The following DHRS7B variants were observed in gnomAD, a reference collection of about 807,000 sequenced individuals.
The protein encoded by DHRS7B is peroxisomal reductase activating PPAR-gamma.
DHRS7B carries 24 observed loss-of-function variants against 26.4 expected under a neutral mutation model. That is an observed-to-expected ratio of 0.91 (90% CI 0.66 to 1.28). The LOEUF (loss-of-function observed/expected upper bound fraction) is 1.28. Ranked by LOEUF, DHRS7B falls within the 50% of genes most tolerant of loss-of-function variation. DHRS7B has a pLI of 0.00. For synonymous variants in DHRS7B, 142 were observed against 166.4 expected (o/e 0.85, Z 1.13); for missense variants, 368 against 419.4 (o/e 0.88, Z 1.07).
chr17:21,137,275 T>A (rs1378039777), intron 1 of DHRS7B, among the ~76,000 whole-genome samples: 1 of 149,800 alleles, frequency 6.7e-6, no homozygotes, highest in African/African-American at 2.5e-5. Context: ...CCACTGGGCC[T>A]GCCCATTTTT....
Position 21,176,685 on chromosome 17 carries a change from G to T in DHRS7B, c.200-1548G>T, listed in dbSNP as rs1974386408. On this transcript the variant is annotated intron_variant, in intron 2 of 6. Transcript: ENST00000395511. ...CTGTTTATCAAACACTGTGGTAAGA[G>T]ATTACCTACCTTAACTCATTCAATC... Among the ~76,000 whole-genome samples, 5 of 151,904 alleles carry T rather than the reference G, an allele frequency of 3.3e-5. No individual in the cohort carries two copies. In the South Asian group the frequency reaches 1.0e-3, roughly 32 times the overall value.
At chr17:21,163,064 C>T (rs1053577466) in intron 1 of DHRS7B, among the ~76,000 whole-genome samples, 5 of 151,760 alleles carry the variant, frequency 3.3e-5, no homozygotes, top group African/African-American at 4.8e-5. Context: ...GTTGTGGTGG[C>T]GGGCACTTGT....
intron 1 of DHRS7B, among the ~76,000 whole-genome samples, chr17:21,169,154 C>T (rs1385251644): frequency 1.3e-5 from 2 of 152,178 alleles, no homozygotes; most frequent in Middle Eastern, 3.2e-3. Context: ...AGCCTGACTT[C>T]TGCCAATGTT....
intron 1 of DHRS7B, among the ~76,000 whole-genome samples, chr17:21,164,039 T>G (rs1974057411): frequency 7.0e-6 from 1 of 142,244 alleles, no homozygotes; most frequent in Non-Finnish European, 1.5e-5. Context: ...GCTTTTTTTT[T>G]TTTTTTTGAG....
In DHRS7B at chr17:21,178,273, G is replaced by A. The variant is rs765598028; in HGVS notation, c.240G>A (p.Val80=). The change falls in exon 3 of 7, where the codon GTG becomes GTA. Residue 80 remains valine (V), a synonymous_variant. Transcript: ENST00000395511. ...KVFYAAGAKL[V]LCGRNGGALE... is the part of the protein sequence containing the mutation. Reference sequence around the variant, plus strand: ...TCTATGCTGCGGGTGCTAAACTGGTGCTCTGTGGCCGGAATGGTGGGGCCC... The same window carrying A: ...TCTATGCTGCGGGTGCTAAACTGGTACTCTGTGGCCGGAATGGTGGGGCCC... 3.1e-6 allele frequency: 5 copies of A among 1,614,130 alleles called. No homozygotes were observed. Among genetic ancestry groups the A allele is most frequent in the Non-Finnish European group, 4.2e-6 (5 of 1,180,052 alleles).
chr17:21,138,103 C>CACACACAT (rs1555536224), intron 1 of DHRS7B, among the ~76,000 whole-genome samples: 2 of 128,722 alleles, frequency 1.6e-5, no homozygotes, highest in African/African-American at 5.9e-5. Flanking sequence ...TATATATATA[C>CACACACAT]ACACACACAC....
rs56350315 is a variant in DHRS7B at position 21,132,336 on chromosome 17, T to TAAA, written c.20+5356_20+5358dup. Among the ~76,000 whole-genome samples the TAAA allele has an allele frequency of 7.2e-3, 968 of 133,798 alleles. 9 individuals carry two copies. Among genetic ancestry groups the TAAA allele is most frequent in the African/African-American group, 0.023 (789 of 34,304 alleles). The allele number at this position is 133,798 out of a possible 152,430, so 87.8% of individuals were successfully genotyped here. A position where few individuals can be genotyped will look rare whatever the true frequency, so the allele number is the denominator to read the frequency against. ...GGCAACATAGGGAGACCCCATCTCTTAAAAAAAAAAAAATATATATATATA... is the reference window on the plus strand; with the variant it reads ...GGCAACATAGGGAGACCCCATCTCTTAAAAAAAAAAAAAAAATATATATATATA... On this transcript the variant is annotated intron_variant, in intron 1 of 6. Coordinates refer to ENST00000395511, the MANE Select transcript of DHRS7B (RefSeq NM_015510.5).
At chr17:21,168,787 C>T (rs1157816540) in intron 1 of DHRS7B, 16 of 985,362 alleles carry the variant, frequency 1.6e-5, no homozygotes, top group Admixed American at 6.1e-5. Flanking sequence ...CCCATTCACC[C>T]GGCGCCATGT....
At chr17:21,187,652 G>A (rs1300555232) in intron 5 of DHRS7B, among the ~76,000 whole-genome samples, 2 of 144,518 alleles carry the variant, frequency 1.4e-5, no homozygotes, top group African/African-American at 5.1e-5. Flanking sequence ...AAAAAAAAAG[G>A]AAAAAAAAGA....
intron 1 of DHRS7B, among the ~76,000 whole-genome samples, chr17:21,157,178 A>G (rs2144035027): frequency 6.6e-6 from 1 of 152,332 alleles, no homozygotes; most frequent in Admixed American, 6.5e-5. Context: ...CTCTCCCAGG[A>G]GGTAGAAGCA....
chr17:21,175,009 G>A (rs1033094080), intron 2 of DHRS7B, among the ~76,000 whole-genome samples: 2 of 152,282 alleles, frequency 1.3e-5, no homozygotes, highest in East Asian at 3.9e-4. Flanking sequence ...CCCTTTGTTG[G>A]GATGAGCCAA....
chr17:21,140,359 C>T (rs1167060558), intron 1 of DHRS7B, among the ~76,000 whole-genome samples: 4 of 151,894 alleles, frequency 2.6e-5, no homozygotes, highest in African/African-American at 4.8e-5. Flanking sequence ...CTGTCAGCTA[C>T]GTAGCCTTAA....
At chr17:21,136,345 T>C (rs773414512) in intron 1 of DHRS7B, among the ~76,000 whole-genome samples, 6 of 150,778 alleles carry the variant, frequency 4.0e-5, no homozygotes, top group Non-Finnish European at 7.4e-5. Flanking sequence ...TGTCCTGTTT[T>C]AGATCCAGGA....
At chr17:21,164,448 T>C (rs1486995765) in intron 1 of DHRS7B, among the ~76,000 whole-genome samples, 1 of 152,228 alleles carries the variant, frequency 6.6e-6, no homozygotes. Flanking sequence ...TCTGACCTCA[T>C]ATTTATGTTG....
intron 1 of DHRS7B, among the ~76,000 whole-genome samples, chr17:21,132,345 A>AT (rs1416811137): frequency 2.5e-4 from 34 of 134,760 alleles, no homozygotes; most frequent in African/African-American, 4.5e-4. Context: ...TTAAAAAAAA[A>AT]AAAATATATA....
intron 1 of DHRS7B, chr17:21,166,052 C>A: frequency 1.6e-6 from 1 of 644,836 alleles, no homozygotes; most frequent in Non-Finnish European, 1.9e-6. Context: ...CGGGCTCTGC[C>A]TCCTGTTCAT....
intron 1 of DHRS7B, among the ~76,000 whole-genome samples, chr17:21,129,564 G>C (rs189540792): frequency 6.6e-5 from 10 of 151,802 alleles, no homozygotes; most frequent in Admixed American, 3.9e-4. Context: ...AATTATCTAG[G>C]CGTGCTGGTG....
At chr17:21,184,316 C>T (rs541562372) in intron 4 of DHRS7B, 55 bp from the exon 5 acceptor site, 9 of 1,492,034 alleles carry the variant, frequency 6.0e-6, no homozygotes, top group Middle Eastern at 1.8e-4. Flanking sequence ...CCATCAGCAT[C>T]GGGTGCAATG....
intron 3 of DHRS7B, among the ~76,000 whole-genome samples, chr17:21,180,403 G>T (rs1249825838): frequency 6.6e-6 from 1 of 152,088 alleles, no homozygotes; most frequent in African/African-American, 2.4e-5. Context: ...TTACATTTAG[G>T]TGATTGATCC....
Sources: gnomAD v4.1 joint callset for allele counts (sites outside exome capture counted in the v4.1 genomes callset) on GRCh38, gnomAD v4.1.1 for gene constraint, MANE v1.5 for transcripts, NCBI Gene and HGNC (gene_info 2026-07-23, HGNC 2026-07-21) for gene names.